RARG: variants seen among roughly 807,000 people sequenced by gnomAD.
RARG encodes RAR-gamma.
RARG carries 17 observed loss-of-function variants against 43.7 expected under a neutral mutation model. The observed-to-expected ratio is 0.39, with a 90% confidence interval of 0.27 to 0.58. The LOEUF is 0.58. Ranked by LOEUF, RARG falls within the 20% of genes least tolerant of loss-of-function variation. The pLI is 0.57. For missense variants in RARG, 346 were observed against 598.7 expected, an observed-to-expected ratio of 0.58 and a Z score of 4.40; for synonymous variants, 238 against 236.4, an observed-to-expected ratio of 1.01 and a Z score of -0.06.
chr12:53,217,058 C>T (rs1264183696), intron 3 of RARG, among the ~76,000 whole-genome samples: 2 of 152,092 alleles, frequency 1.3e-5, no homozygotes, highest in South Asian at 2.1e-4. Flanking sequence ...CCCGCCCCAA[C>T]GCAGCCAGAA....
At chr12:53,230,010 G>T in intron 2 of RARG, 3 of 965,392 alleles carry the variant, frequency 3.1e-6, no homozygotes, top group Admixed American at 6.1e-5. Flanking sequence ...AGAGAGGAAG[G>T]GGGTAGAGAT....
rs143979419 is a variant in RARG, at chr12:53,227,734, G to C, written c.-142-47C>G. 0.012 allele frequency: 14,330 copies of C among 1,201,882 alleles called. 120 individuals carry two copies. The highest frequency in any genetic ancestry group is 0.014 in the Non-Finnish European group (12,865 of 934,962). 74.5% of individuals were successfully genotyped at this position (1,201,882 alleles called of 1,614,324 possible). A position where few individuals can be genotyped will look rare whatever the true frequency, so the allele number is the denominator to read the frequency against. On this transcript the variant is annotated intron_variant, in intron 2 of 9. Coordinates refer to ENST00000425354, the MANE Select transcript of RARG (RefSeq NM_000966.6). This position sits in a 1 kb window ranked among gnomAD's most constrained non-coding sequence, Gnocchi z 4.3. ...GGAGAGATGAGAGAATGACCACTCT[G>C]AGGTTCCAAGCCCTGTGACCCTCTC...
chr12:53,222,542 G>C (rs1199935525), intron 3 of RARG, among the ~76,000 whole-genome samples: 1 of 152,174 alleles, frequency 6.6e-6, no homozygotes, highest in East Asian at 1.9e-4. Flanking sequence ...AGGGAGGGGG[G>C]TTGGGAGGAG....
intron 3 of RARG, among the ~76,000 whole-genome samples, chr12:53,217,381 G>A (rs768725364): frequency 2.7e-4 from 41 of 152,220 alleles, no homozygotes; most frequent in Non-Finnish European, 5.6e-4. Context: ...TTCTGCCCAA[G>A]GCCTGTGCGT....
intron 3 of RARG, among the ~76,000 whole-genome samples, chr12:53,219,704 G>A (rs984653944): frequency 1.4e-4 from 22 of 152,144 alleles, no homozygotes; most frequent in African/African-American, 4.8e-4. Flanking sequence ...CCTATCCCCA[G>A]GAACTCTGGA....
At position 53,227,652 on chromosome 12, in the gene RARG, G is replaced by T; in HGVS notation, c.-107C>A. 7.4e-7 allele frequency: 1 copy of T among 1,342,944 alleles called. No individual in the cohort carries two copies. Among genetic ancestry groups the T allele is most frequent in the Non-Finnish European group, 9.5e-7 (1 of 1,048,412 alleles). 83.2% of individuals were successfully genotyped at this position (1,342,944 alleles called of 1,614,324 possible). ...CCCCAGCCTGGGAGGCTCCGTACCC[G>T]CCCTGCCTGGCCTGCCCACTGGGCC... On this transcript the variant is annotated 5_prime_UTR_variant, in exon 3 of 10. Transcript: ENST00000425354. The surrounding 1 kb of genome is among the most constrained non-coding windows in gnomAD (Gnocchi z 4.3).
In RARG at chr12:53,227,588, G is replaced by A. The variant is rs1943138969; in HGVS notation, c.-43C>T. 1.4e-6 allele frequency: 2 copies of A among 1,446,006 alleles called. No homozygotes were observed. Among genetic ancestry groups the A allele is most frequent in the Non-Finnish European group, 1.8e-6 (2 of 1,097,704 alleles). 89.6% of individuals were successfully genotyped at this position (1,446,006 alleles called of 1,614,324 possible). A position where few individuals can be genotyped will look rare whatever the true frequency, so the allele number is the denominator to read the frequency against. ...AGTCCCCTGGGGTCTGCAGTGGGCGGGCGAGGTCTTCAGCCACAGCCCCTG... is the reference window on the plus strand; with the variant it reads ...AGTCCCCTGGGGTCTGCAGTGGGCGAGCGAGGTCTTCAGCCACAGCCCCTG... On this transcript the variant is annotated 5_prime_UTR_variant, in exon 3 of 10. Transcript: ENST00000425354. This position sits in a 1 kb window ranked among gnomAD's most constrained non-coding sequence, Gnocchi z 4.3.
At chr12:53,220,389 C>A in intron 3 of RARG, 1 of 996,320 alleles carries the variant, frequency 1.0e-6, no homozygotes, top group South Asian at 5.3e-5. Context: ...AAAGCGAAGC[C>A]TGGAGGGGTG....
Position 53,211,986 on chromosome 12 carries a change from A to AGT in RARG, c.1178-124_1178-123insAC, listed in dbSNP as rs751326857. ...AGGGGGCGCCCAGCACAGGCCCACC[A>AGT]CCTCTCCGTCCCCAGCTCATCCTCT... On this transcript the variant is annotated intron_variant, in intron 9 of 9. Transcript: ENST00000425354. This position sits in a 1 kb window ranked among gnomAD's most constrained non-coding sequence, Gnocchi z 4.6. 3.5e-4 allele frequency: 219 copies of AGT among 623,654 alleles called. No homozygotes were observed. The highest frequency in any genetic ancestry group is 4.6e-4 in the Non-Finnish European group (194 of 422,994). 38.6% of individuals were successfully genotyped at this position (623,654 alleles called of 1,614,324 possible).
chr12:53,226,404 C>T (rs768372787), intron 3 of RARG, among the ~76,000 whole-genome samples: 167 of 152,068 alleles, frequency 1.1e-3, no homozygotes, highest in Non-Finnish European at 1.7e-3. Context: ...CTCAGCTCAC[C>T]GCAACCTCTG....
In RARG at chr12:53,215,730, A is replaced by C. The variant is rs1395898116; in HGVS notation, c.249T>G (p.Pro83=). The part of the protein sequence containing the change: ...MVPSSPSPPP[P]PRVYKPCFVC... ...CGAAGCATGGCTTGTAGACCCGAGG[A>C]GGCGGAGGGGGCGAGGGCGAGCTGG... The change falls in exon 4 of 10, where the codon CCT becomes CCG. Residue 83 remains proline, a synonymous_variant. Transcript: ENST00000425354. The surrounding 1 kb of genome is among the most constrained non-coding windows in gnomAD (Gnocchi z 6.4). The C allele has an allele frequency of 8.1e-6, 13 of 1,613,352 alleles. No individual in the cohort carries two copies. Among genetic ancestry groups the C allele is most frequent in the South Asian group, 2.2e-5 (2 of 90,974 alleles).
chr12:53,211,695 C>T lies in RARG; in HGVS notation c.1346G>A (p.Gly449Asp). 1.3e-6 allele frequency: 2 copies of T among 1,537,582 alleles called. No individual in the cohort carries two copies. The highest frequency in any genetic ancestry group is 2.1e-5 in the Admixed American group (1 of 47,986). ...CCCTGGTCAGGCTGGGGACTTCAGG[C>T]CCCCTTTGCCCTGGCCCCCAGGAAC... ...DEVPGGQGKG[G>D]LKSPA Residue 449 changes from glycine (G) to aspartate (D), a missense_variant, in exon 10 of 10, where the codon GGC (glycine) becomes GAC (aspartate). Around this residue, in one of 8 missense-constraint regions of RARG, gnomAD observed 40 missense variants for 44.6 expected, o/e 0.90. Coordinates refer to ENST00000425354, the MANE Select transcript of RARG (RefSeq NM_000966.6). The surrounding 1 kb of genome is among the most constrained non-coding windows in gnomAD (Gnocchi z 4.6).
rs774708841 is a variant in RARG, at chr12:53,227,587, G to A, written c.-42C>T. ...GAGTCCCCTGGGGTCTGCAGTGGGC[G>A]GGCGAGGTCTTCAGCCACAGCCCCT... On this transcript the variant is annotated 5_prime_UTR_variant, in exon 3 of 10. Transcript: ENST00000425354. This position sits in a 1 kb window ranked among gnomAD's most constrained non-coding sequence, Gnocchi z 4.3. 22 of 1,447,836 alleles carry A rather than the reference G, an allele frequency of 1.5e-5. No homozygotes were observed. The East Asian group carries it at 2.1e-4, about 14-fold the overall frequency. 89.7% of individuals were successfully genotyped at this position (1,447,836 alleles called of 1,614,324 possible).
chr12:53,223,704 C>T (rs1943039859), intron 3 of RARG, among the ~76,000 whole-genome samples: 1 of 152,230 alleles, frequency 6.6e-6, no homozygotes, highest in Non-Finnish European at 1.5e-5. Context: ...CTCCTTGCTT[C>T]TCCCAGTGCC....
intron 2 of RARG, among the ~76,000 whole-genome samples, chr12:53,230,703 A>G (rs1165565576): frequency 1.5e-5 from 2 of 135,352 alleles, no homozygotes; most frequent in Admixed American, 1.5e-4. Context: ...TGGGCATCAG[A>G]GGGCATGGAC....
At chr12:53,219,151 C>T (rs560830905) in intron 3 of RARG, among the ~76,000 whole-genome samples, 4 of 152,342 alleles carry the variant, frequency 2.6e-5, no homozygotes, top group Admixed American at 2.6e-4. Flanking sequence ...AACTTCAGGC[C>T]ACCCCCCACC....
chr12:53,225,415 T>C (rs1943083435), intron 3 of RARG, among the ~76,000 whole-genome samples: 1 of 152,098 alleles, frequency 6.6e-6, no homozygotes, highest in Admixed American at 6.5e-5. Context: ...CACAACTGCA[T>C]CAAGTCTGGA....
intron 3 of RARG, among the ~76,000 whole-genome samples, chr12:53,222,458 C>G (rs1272855166): frequency 2.0e-5 from 3 of 152,052 alleles, no homozygotes; most frequent in Admixed American, 6.5e-5. Context: ...CCCCTTCCCC[C>G]TCAGAAATCT....
intron 2 of RARG, chr12:53,230,079 A>G: frequency 1.4e-6 from 1 of 718,164 alleles, no homozygotes; most frequent in Non-Finnish European, 1.7e-6. Context: ...GAGGGTCTTA[A>G]ACCCAGGGTA....
Sources: gnomAD v4.1 joint callset for allele counts (sites outside exome capture counted in the v4.1 genomes callset) on GRCh38, gnomAD v4.1.1 for gene constraint, gnomAD v4.1.1 regional missense constraint, Gnocchi (gnomAD v3.1) non-coding constraint, MANE v1.5 for transcripts, NCBI Gene and HGNC (gene_info 2026-07-23, HGNC 2026-07-21) for gene names.